SLC8A1: variants seen among roughly 807,000 people sequenced by gnomAD.
SLC8A1 encodes the protein solute carrier family 8 member A1.
Under a neutral mutation model 68.3 loss-of-function variants are expected in SLC8A1, and 18 were observed. That is an observed-to-expected ratio of 0.26 (90% CI 0.18 to 0.39). The LOEUF (loss-of-function observed/expected upper bound fraction) is 0.39, where lower values mean the gene tolerates loss of function less well. SLC8A1 is among the 10% of genes least tolerant of loss of function. The pLI is 1.00. For missense variants in SLC8A1, 985 were observed against 1,156.7 expected, an observed-to-expected ratio of 0.85 and a Z score of 2.15; for synonymous variants, 475 against 415.5, an observed-to-expected ratio of 1.14 and a Z score of -1.74.
At chr2:40,482,288 T>C (rs1341700970) in intron 1 of SLC8A1, among the ~76,000 whole-genome samples, 1 of 151,958 alleles carries the variant, frequency 6.6e-6, no homozygotes, top group African/African-American at 2.4e-5. Flanking sequence ...CATTGCAGGG[T>C]CATTTATAGC....
intron 6 of SLC8A1, among the ~76,000 whole-genome samples, chr2:40,155,291 G>C (rs757555558): frequency 3.3e-5 from 5 of 151,974 alleles, no homozygotes; most frequent in African/African-American, 4.8e-5. Flanking sequence ...CACCACGCCT[G>C]GCTAATTTTT....
At chr2:40,281,328 T>C (rs1208853705) in intron 2 of SLC8A1, among the ~76,000 whole-genome samples, 1 of 152,200 alleles carries the variant, frequency 6.6e-6, no homozygotes, top group Non-Finnish European at 1.5e-5. Context: ...TGGGAACTGT[T>C]TTCCATTTTA....
chr2:40,376,691 C>G (rs1010373538), intron 2 of SLC8A1, among the ~76,000 whole-genome samples: 4 of 152,068 alleles, frequency 2.6e-5, no homozygotes, highest in African/African-American at 9.7e-5. Context: ...GTGGAGGCCC[C>G]AGTGAAATGG....
intron 2 of SLC8A1, among the ~76,000 whole-genome samples, chr2:40,192,738 CT>C (rs932843081): frequency 6.6e-6 from 1 of 151,894 alleles, no homozygotes; most frequent in African/African-American, 2.4e-5. Context: ...GTCCTGAATA[CT>C]TTTTTTTATT....
At chr2:40,359,112 G>C (rs1397313829) in intron 2 of SLC8A1, among the ~76,000 whole-genome samples, 1 of 152,094 alleles carries the variant, frequency 6.6e-6, no homozygotes, top group Non-Finnish European at 1.5e-5. Flanking sequence ...AGGTGGGGAA[G>C]GGGTATCTAG....
intron 2 of SLC8A1, among the ~76,000 whole-genome samples, chr2:40,200,187 TA>T (rs1261677868): frequency 9.2e-5 from 1 of 10,878 alleles, no homozygotes; most frequent in South Asian, 1.9e-3. Context: ...TATATATATA[TA>T]TATTTATATA....
At chr2:40,417,142 C>T (rs1453173782) in intron 2 of SLC8A1, among the ~76,000 whole-genome samples, 2 of 151,956 alleles carry the variant, frequency 1.3e-5, no homozygotes, top group Non-Finnish European at 2.9e-5. Flanking sequence ...TCAGTATGAC[C>T]AATTGTTATT....
At chr2:40,374,667 A>T (rs979711486) in intron 2 of SLC8A1, among the ~76,000 whole-genome samples, 4 of 152,032 alleles carry the variant, frequency 2.6e-5, no homozygotes, top group Non-Finnish European at 4.4e-5. Context: ...AGACAGAATA[A>T]GAACAATAAC....
intron 2 of SLC8A1, among the ~76,000 whole-genome samples, chr2:40,422,963 A>T (rs1695917008): frequency 6.6e-6 from 1 of 152,162 alleles, no homozygotes; most frequent in Non-Finnish European, 1.5e-5. Flanking sequence ...TTATAATATC[A>T]CATGTATGAA....
chr2:40,435,934 G>A (rs1699317559), intron 1 of SLC8A1, among the ~76,000 whole-genome samples: 1 of 150,244 alleles, frequency 6.7e-6, no homozygotes, highest in South Asian at 2.1e-4. Flanking sequence ...TGCCAACCAT[G>A]CTCGGCTATT....
chr2:40,174,483 G>T (rs1230035241), intron 4 of SLC8A1, among the ~76,000 whole-genome samples: 1 of 151,966 alleles, frequency 6.6e-6, no homozygotes, highest in Non-Finnish European at 1.5e-5. Flanking sequence ...TTTGTAAATT[G>T]GTCAGTGTCA....
Position 40,493,675 on chromosome 2 carries a change from G to A in SLC8A1, c.-25+18674C>T, listed in dbSNP as rs1355623118. On this transcript the variant is annotated intron_variant, in intron 1 of 7. Transcript: ENST00000402441. Reference sequence around the variant, plus strand: ...ATTTTTTTTTTTTTTTTTTTTCCACGACAGAGTCTTGCTCTGTTTCCCAGG... The same window carrying A: ...ATTTTTTTTTTTTTTTTTTTTCCACAACAGAGTCTTGCTCTGTTTCCCAGG... 2.3e-5 allele frequency among the ~76,000 whole-genome samples: 3 copies of A among 130,548 alleles called. No individual in the cohort carries two copies. In the Admixed American group the frequency reaches 2.5e-4, roughly 11 times the overall value. 85.6% of individuals were successfully genotyped at this position (130,548 alleles called of 152,430 possible).
intron 2 of SLC8A1, among the ~76,000 whole-genome samples, chr2:40,279,882 A>C (rs1486256076): frequency 6.6e-6 from 1 of 152,202 alleles, no homozygotes; most frequent in Non-Finnish European, 1.5e-5. Flanking sequence ...TTTAGTCTTC[A>C]GCTCTCCTAC....
intron 2 of SLC8A1, among the ~76,000 whole-genome samples, chr2:40,406,635 G>A (rs1378064870): frequency 1.3e-5 from 2 of 152,138 alleles, no homozygotes; most frequent in Non-Finnish European, 2.9e-5. Context: ...TAAGATCAGT[G>A]TGGCAGAGCT....
chr2:40,366,404 G>A (rs1387482972), intron 2 of SLC8A1, among the ~76,000 whole-genome samples: 1 of 151,978 alleles, frequency 6.6e-6, no homozygotes, highest in Non-Finnish European at 1.5e-5. Context: ...AGAAAAATAA[G>A]AATATAAAAC....
At chr2:40,407,107 T>A (rs1415455239) in intron 2 of SLC8A1, among the ~76,000 whole-genome samples, 1 of 152,104 alleles carries the variant, frequency 6.6e-6, no homozygotes, top group South Asian at 2.1e-4. Flanking sequence ...CACTCTGTCA[T>A]CCAGGCTGGA....
chr2:40,098,199 A>AC (rs2033688417), exon 8 of SLC8A1: 1 of 152,070 alleles, frequency 6.6e-6, no homozygotes, highest in Non-Finnish European at 1.5e-5. Context: ...ATATTTCCCC[A>AC]CAGGAATATG....
At chr2:40,278,788 A>AG (rs904359490) in intron 2 of SLC8A1, among the ~76,000 whole-genome samples, 91 of 152,202 alleles carry the variant, frequency 6.0e-4, no homozygotes, top group African/African-American at 2.1e-3. Flanking sequence ...CACAATGAAA[A>AG]AAACAGAAAC....
At chr2:40,254,793 G>T (rs1291820537) in intron 2 of SLC8A1, 14 of 152,118 alleles carry the variant, frequency 9.2e-5, no homozygotes, top group Admixed American at 9.2e-4. Flanking sequence ...AGATTGACAG[G>T]CTCATTACAG....
Sources: allele counts gnomAD v4.1 joint callset (sites outside exome capture counted in the v4.1 genomes callset), GRCh38; gene constraint gnomAD v4.1.1; transcripts MANE v1.5; gene names NCBI Gene and HGNC (gene_info 2026-07-23, HGNC 2026-07-21).